PHF6: variants seen among roughly 807,000 people sequenced by gnomAD.
PHF6 encodes PHD-like zinc finger protein.
PHF6 carries 7 observed loss-of-function variants against 34.0 expected under a neutral mutation model. The ratio of observed to expected loss-of-function variants is 0.21; its 90% CI spans 0.12 to 0.39. PHF6 has a LOEUF of 0.39. Among genes scored for constraint, PHF6 ranks in the 10% least tolerant of loss-of-function variants. PHF6 has a pLI of 1.00. For missense variants in PHF6, 128 were observed against 262.8 expected, an observed-to-expected ratio of 0.49 and a Z score of 3.55; for synonymous variants, 89 against 88.4, an observed-to-expected ratio of 1.01 and a Z score of -0.04.
At chrX:134,386,390 T>C (rs1331371034) in intron 3 of PHF6, among the ~76,000 whole-genome samples, 1 of 104,757 alleles carries the variant, frequency 9.5e-6, no homozygotes, top group Non-Finnish European at 1.9e-5. Flanking sequence ...GCAGGCACAA[T>C]CTTTTGAAAA....
At chrX:134,384,837 G>C (rs1168861348) in intron 3 of PHF6, among the ~76,000 whole-genome samples, 5 of 110,442 alleles carry the variant, frequency 4.5e-5, no homozygotes, top group African/African-American at 1.6e-4. Flanking sequence ...ATTTTTAGTA[G>C]AGACGCGGTT....
intron 9 of PHF6, among the ~76,000 whole-genome samples, chrX:134,424,598 C>T (rs988547223): frequency 1.8e-5 from 2 of 111,991 alleles, no homozygotes; most frequent in Admixed American, 1.9e-4. Context: ...GGTCTAATCT[C>T]ATCCTAAAAA....
At chrX:134,400,241 G>C (rs1301130025) in intron 5 of PHF6, among the ~76,000 whole-genome samples, 1 of 109,994 alleles carries the variant, frequency 9.1e-6, no homozygotes, top group East Asian at 2.8e-4. Flanking sequence ...ACCACACCCG[G>C]CTAATTTTTT....
chrX:134,382,637 C>T (rs112303576), intron 3 of PHF6, among the ~76,000 whole-genome samples: 3 of 101,134 alleles, frequency 3.0e-5, no homozygotes, highest in Non-Finnish European at 5.9e-5. Flanking sequence ...GACATGATCT[C>T]GGCTCACTGC....
At chrX:134,402,494 A>T (rs2077406682) in intron 5 of PHF6, among the ~76,000 whole-genome samples, 1 of 111,807 alleles carries the variant, frequency 8.9e-6, no homozygotes, top group East Asian at 2.8e-4. Context: ...TAGGCACATG[A>T]TCTGGGACAA....
chrX:134,400,396 T>C (rs978659094), intron 5 of PHF6, among the ~76,000 whole-genome samples: 1 of 103,770 alleles, frequency 9.6e-6, no homozygotes, highest in Non-Finnish European at 2.0e-5. Flanking sequence ...TTGCCTTTTT[T>C]TTTTTTTTTT....
intron 5 of PHF6, among the ~76,000 whole-genome samples, chrX:134,396,698 G>T (rs1446949583): frequency 9.0e-6 from 1 of 110,892 alleles, no homozygotes; most frequent in African/African-American, 3.3e-5. Context: ...TATATTTATT[G>T]ATTTCTGGCT....
intron 1 of PHF6, among the ~76,000 whole-genome samples, chrX:134,376,359 C>T (rs1445468396): frequency 9.0e-6 from 1 of 111,485 alleles, no homozygotes; most frequent in Non-Finnish European, 1.9e-5. Flanking sequence ...AATTTTAAGA[C>T]AAAAGTTTGA....
At chrX:134,415,234 A>G (rs1200636478) in intron 8 of PHF6, 114 bp downstream of exon 8, 1 of 1,145,387 alleles carries the variant, frequency 8.7e-7, no homozygotes, top group East Asian at 3.0e-5. Context: ...TCGTATGTTA[A>G]AGCAAAGTAT....
In PHF6 at chrX:134,416,631, T is replaced by C. The variant is rs1180379288; in HGVS notation, c.835-538T>C. 5.3e-5 allele frequency among the ~76,000 whole-genome samples: 6 copies of C among 112,163 alleles called. No homozygotes were observed. The East Asian group carries it at 1.4e-3, about 26-fold the overall frequency. ...CTTAACCTATCCTTTCTCAAACTTA[T>C]TTGACTTGAAACCCCCTTTTCAACA... On this transcript the variant is annotated intron_variant, in intron 8 of 10. Transcript: ENST00000370803.
chrX:134,420,272 C>T (rs1249519199), intron 9 of PHF6: 1 of 103,069 alleles, frequency 9.7e-6, no homozygotes, highest in Non-Finnish European at 2.0e-5. Flanking sequence ...CGCCCCACTG[C>T]ACTCCAGCCT....
intron 3 of PHF6, among the ~76,000 whole-genome samples, chrX:134,385,231 G>C (rs570061341): frequency 9.0e-6 from 1 of 111,163 alleles, no homozygotes; most frequent in South Asian, 3.8e-4. Context: ...CTGTACTGAT[G>C]TTCACCTCTG....
chrX:134,395,250 A>G (rs959382695), intron 5 of PHF6, among the ~76,000 whole-genome samples: 3 of 112,526 alleles, frequency 2.7e-5, no homozygotes, highest in Admixed American at 1.9e-4. Flanking sequence ...TGTGATCACC[A>G]GGCTTTCTGT....
chrX:134,414,257 CTA>C (rs2077463013), intron 7 of PHF6, among the ~76,000 whole-genome samples: 1 of 111,224 alleles, frequency 9.0e-6, no homozygotes, highest in Non-Finnish European at 1.9e-5. Context: ...TATTTCATAA[CTA>C]TAAAAATTTT....
chrX:134,393,005 G>A (rs1443893298), intron 3 of PHF6, among the ~76,000 whole-genome samples: 1 of 111,296 alleles, frequency 9.0e-6, no homozygotes, highest in Non-Finnish European at 1.9e-5. Flanking sequence ...TCACCATATT[G>A]GCCAGGCTGG....
Position 134,426,282 on chromosome X carries a change from T to C in PHF6, c.*622T>C, listed in dbSNP as rs1182580304. On this transcript the variant is annotated 3_prime_UTR_variant, in exon 11 of 11. Transcript: ENST00000370803. ...GGTAATGATAAGCTATGAGCTCCAG[T>C]GCTTTTGCCAAAATTCTCTTGACAG... 6.2e-6 allele frequency: 1 copy of C among 162,116 alleles called. No individual in the cohort carries two copies. The highest frequency in any genetic ancestry group is 1.2e-5 in the Non-Finnish European group (1 of 83,405). 13.4% of individuals were successfully genotyped at this position (162,116 alleles called of 1,213,427 possible).
intron 1 of PHF6, among the ~76,000 whole-genome samples, chrX:134,377,019 C>T (rs941346891): frequency 3.6e-5 from 4 of 111,429 alleles, no homozygotes; most frequent in Non-Finnish European, 7.5e-5. Context: ...TAGCTTTTAC[C>T]GTGTTCTTAA....
chrX:134,374,200 A>G (rs143343246), intron 1 of PHF6, among the ~76,000 whole-genome samples: 17 of 111,811 alleles, frequency 1.5e-4, no homozygotes, highest in Non-Finnish European at 2.4e-4. Flanking sequence ...ACACCACGGT[A>G]TTCTTTTCCA....
At chrX:134,410,846 T>C (rs1170662651) in intron 5 of PHF6, among the ~76,000 whole-genome samples, 1 of 108,513 alleles carries the variant, frequency 9.2e-6, no homozygotes, top group Non-Finnish European at 1.9e-5. Flanking sequence ...AGACAGGTTT[T>C]CACCTTGTTG....
Sources: gnomAD v4.1 joint callset for allele counts (sites outside exome capture counted in the v4.1 genomes callset) on GRCh38, gnomAD v4.1.1 for gene constraint, MANE v1.5 for transcripts, NCBI Gene and HGNC (gene_info 2026-07-23, HGNC 2026-07-21) for gene names.